CALN1: variants seen among roughly 807,000 people sequenced by gnomAD.
CALN1 encodes the protein calneuron 1, also known as calcium-binding protein 8.
A neutral mutation model predicts 30.6 loss-of-function variants in CALN1; 17 were observed. The observed-to-expected ratio is 0.56, with a 90% CI of 0.38 to 0.83. The LOEUF is 0.83. CALN1 is among the 40% of genes least tolerant of loss of function. The pLI, the probability that CALN1 is intolerant of heterozygous loss-of-function variation, is 0.00. For missense variants in CALN1, 291 were observed against 354.9 expected, an observed-to-expected ratio of 0.82 and a Z score of 1.45; for synonymous variants, 156 against 131.4, an observed-to-expected ratio of 1.19 and a Z score of -1.28.
chr7:72,477,254 G>A, the CALN1 span, among the ~76,000 whole-genome samples: 3 of 151,858 alleles, frequency 2.0e-5, no homozygotes, highest in Admixed American at 6.6e-5. Flanking sequence ...ACATGAAAGC[G>A]AAAGGAGCTA....
At chr7:72,427,800 G>A (rs890487560) in intron 1 of CALN1, among the ~76,000 whole-genome samples, 5 of 151,982 alleles carry the variant, frequency 3.3e-5, no homozygotes, top group African/African-American at 1.2e-4. Context: ...TCTTTTAAAT[G>A]AGCAAAAACA....
intron 4 of CALN1, among the ~76,000 whole-genome samples, chr7:72,065,564 T>G (rs1394739045): frequency 6.6e-6 from 1 of 152,196 alleles, no homozygotes; most frequent in Non-Finnish European, 1.5e-5. Context: ...CTCGGATTCA[T>G]TACAGTATGT....
chr7:72,209,358 CTCTTTCCT>C (rs1562740362), intron 3 of CALN1, among the ~76,000 whole-genome samples: 32 of 32,880 alleles, frequency 9.7e-4, no homozygotes, highest in Middle Eastern at 0.033. Context: ...CCCTCCTTCC[CTCTTTCCT>C]TCCCTCCTTC....
intron 1 of CALN1, among the ~76,000 whole-genome samples, chr7:72,418,621 C>G (rs13238867): frequency 4.6e-5 from 7 of 151,438 alleles, no homozygotes; most frequent in Admixed American, 6.6e-5. Context: ...AGCTTCCCCG[C>G]CCCGGCTCAC....
intron 3 of CALN1, among the ~76,000 whole-genome samples, chr7:72,205,551 A>AAAAATATATATATACATATATACAC: frequency 2.4e-5 from 2 of 83,052 alleles, no homozygotes; most frequent in African/African-American, 1.5e-4. Flanking sequence ...GCAAAAAAAA[A>AAAAATATATATATACATATATACAC]ATATATATAT....
At chr7:71,846,216 T>C (rs1389556000) in intron 5 of CALN1, among the ~76,000 whole-genome samples, 3 of 152,146 alleles carry the variant, frequency 2.0e-5, no homozygotes, top group Admixed American at 6.5e-5. Context: ...AACACACTTC[T>C]CATTGAATAT....
the CALN1 span, among the ~76,000 whole-genome samples, chr7:72,461,937 G>A: frequency 6.6e-6 from 1 of 152,088 alleles, no homozygotes; most frequent in Admixed American, 6.5e-5. Context: ...GAGCCCGGGA[G>A]GTGGAGGTTG....
intron 4 of CALN1, among the ~76,000 whole-genome samples, chr7:72,043,714 T>C (rs919345172): frequency 1.1e-4 from 16 of 152,156 alleles, no homozygotes; most frequent in Non-Finnish European, 2.1e-4. Context: ...CAGGCTGCAG[T>C]TGTCCGGTCT....
chr7:71,826,652 C>T (rs914718973), intron 5 of CALN1, among the ~76,000 whole-genome samples: 5 of 152,154 alleles, frequency 3.3e-5, no homozygotes, highest in East Asian at 3.9e-4. Flanking sequence ...CGTGGCCTTG[C>T]TGCTTGCCTG....
At chr7:72,229,718 T>C (rs2129550487) in intron 3 of CALN1, among the ~76,000 whole-genome samples, 1 of 151,790 alleles carries the variant, frequency 6.6e-6, no homozygotes, top group Admixed American at 6.6e-5. Context: ...CACTCATAAG[T>C]GGAAGTTGAA....
chr7:72,456,000 C>T, the CALN1 span, among the ~76,000 whole-genome samples: 4 of 151,990 alleles, frequency 2.6e-5, no homozygotes, highest in East Asian at 7.8e-4. Context: ...TCCTGGACAA[C>T]AAGGTGAAAC....
chr7:72,311,506 G>T (rs1049112213), intron 2 of CALN1, among the ~76,000 whole-genome samples: 27 of 151,870 alleles, frequency 1.8e-4, no homozygotes, highest in Non-Finnish European at 2.2e-4. Context: ...GTAAGACAAG[G>T]TCTCACTCTG....
intron 5 of CALN1, among the ~76,000 whole-genome samples, chr7:71,896,261 A>T (rs1793524998): frequency 6.6e-6 from 1 of 152,202 alleles, no homozygotes; most frequent in East Asian, 1.9e-4. Context: ...TACATAATAC[A>T]AATATCTGAC....
At chr7:72,322,768 T>C (rs749186831) in intron 2 of CALN1, among the ~76,000 whole-genome samples, 5 of 151,946 alleles carry the variant, frequency 3.3e-5, no homozygotes, top group African/African-American at 9.7e-5. Flanking sequence ...AGGGTAACTA[T>C]AGTCAAAAAT....
intron 3 of CALN1, among the ~76,000 whole-genome samples, chr7:72,189,887 G>A (rs1185692043): frequency 1.3e-5 from 2 of 152,054 alleles, no homozygotes; most frequent in African/African-American, 2.4e-5. Flanking sequence ...TGGGGCATAG[G>A]ATACAATACT....
intron 5 of CALN1, among the ~76,000 whole-genome samples, chr7:71,878,133 G>T (rs1584428770): frequency 1.3e-5 from 2 of 152,298 alleles, no homozygotes; most frequent in East Asian, 3.9e-4. Flanking sequence ...CAAACCAGTA[G>T]ACTAGACTAG....
chr7:72,236,957 C>T (rs148677163), intron 3 of CALN1, among the ~76,000 whole-genome samples: 1 of 151,876 alleles, frequency 6.6e-6, no homozygotes, highest in African/African-American at 2.4e-5. Context: ...TGAAGTCTGA[C>T]CTAGTTGGGA....
At chr7:71,818,841 C>T (rs1195317308) in intron 5 of CALN1, among the ~76,000 whole-genome samples, 1 of 151,888 alleles carries the variant, frequency 6.6e-6, no homozygotes, top group East Asian at 2.0e-4. Flanking sequence ...TCCCGAGTAG[C>T]TGGTATTACA....
intron 5 of CALN1, among the ~76,000 whole-genome samples, chr7:71,841,748 A>G (rs1789950546): frequency 6.6e-6 from 1 of 152,160 alleles, no homozygotes; most frequent in Non-Finnish European, 1.5e-5. Context: ...ATTAACACAG[A>G]AACAGAAAAC....
Sources: gnomAD v4.1 joint callset for allele counts (sites outside exome capture counted in the v4.1 genomes callset) on GRCh38, gnomAD v4.1.1 for gene constraint, MANE v1.5 for transcripts, NCBI Gene and HGNC (gene_info 2026-07-23, HGNC 2026-07-21) for gene names.